Variants in COL9A1 observed in about 807,000 individuals in gnomAD.
COL9A1 encodes collagen alpha-1(IX) chain.
A neutral mutation model predicts 142.6 loss-of-function variants in COL9A1; 104 were observed. That is an observed-to-expected ratio of 0.73 (90% confidence interval 0.62 to 0.86). The LOEUF (loss-of-function observed/expected upper bound fraction) is 0.86, where lower values mean the gene tolerates loss of function less well. Ranked by LOEUF, COL9A1 falls within the 40% of genes least tolerant of loss-of-function variation. The pLI is 0.00. For missense variants in COL9A1, 1,210 were observed against 1,176.6 expected (o/e 1.03, Z -0.42); for synonymous variants, 466 against 396.0 (o/e 1.18, Z -2.10).
intron 37 of COL9A1, among the ~76,000 whole-genome samples, chr6:70,224,079 T>TC (rs938128682): frequency 6.6e-6 from 1 of 152,176 alleles, no homozygotes; most frequent in Non-Finnish European, 1.5e-5. Context: ...GTCCCCTGGA[T>TC]CAGGGGGTCC....
chr6:70,230,019 A>G (rs1344226027), intron 36 of COL9A1, among the ~76,000 whole-genome samples: 1 of 152,186 alleles, frequency 6.6e-6, no homozygotes, highest in African/African-American at 2.4e-5. Context: ...AAAGGCTCTC[A>G]AAGTGACCAT....
chr6:70,279,919 T>C, intron 10 of COL9A1: 1 of 568,090 alleles, frequency 1.8e-6, no homozygotes, highest in East Asian at 2.8e-5. Context: ...AGTGGTAACT[T>C]GAAGAGTAAC....
At chr6:70,260,752 C>G (rs750181405) in intron 19 of COL9A1, 42 bp from the exon 20 acceptor site, 1 of 1,600,750 alleles carries the variant, frequency 6.2e-7, no homozygotes, top group Non-Finnish European at 8.5e-7. Context: ...TTAGTTGAAG[C>G]AAAGATTTTT....
At chr6:70,236,770 C>T (rs1217557654) in intron 33 of COL9A1, among the ~76,000 whole-genome samples, 1 of 151,934 alleles carries the variant, frequency 6.6e-6, no homozygotes, top group Non-Finnish European at 1.5e-5. Context: ...AGGTATCCTA[C>T]ATAGAAGGCT....
intron 37 of COL9A1, among the ~76,000 whole-genome samples, chr6:70,217,319 C>A (rs753964715): frequency 6.6e-6 from 1 of 152,152 alleles, no homozygotes; most frequent in Admixed American, 6.5e-5. Context: ...CTCTAACCCC[C>A]ATTTCCATCA....
intron 4 of COL9A1, among the ~76,000 whole-genome samples, chr6:70,299,607 C>T (rs9446219): frequency 0.14 from 22,015 of 152,022 alleles, 2,176 homozygotes; most frequent in East Asian, 0.46. Flanking sequence ...TGATGTCTGC[C>T]AGAAGCCAAG....
chr6:70,285,672 G>T (rs62420261), intron 5 of COL9A1, among the ~76,000 whole-genome samples: 8,041 of 151,938 alleles, frequency 0.053, 231 homozygotes, highest in Middle Eastern at 0.092. Context: ...CTCCACACTG[G>T]GTTTATAATT....
intron 5 of COL9A1, among the ~76,000 whole-genome samples, chr6:70,293,351 C>A (rs974104331): frequency 6.6e-6 from 1 of 152,060 alleles, no homozygotes; most frequent in Non-Finnish European, 1.5e-5. Context: ...CAAAGTATAA[C>A]AATTCAAAAT....
intron 28 of COL9A1, among the ~76,000 whole-genome samples, chr6:70,247,142 A>G (rs1157979656): frequency 1.3e-5 from 2 of 152,200 alleles, no homozygotes; most frequent in Non-Finnish European, 2.9e-5. Context: ...TTAAAAGCAC[A>G]AGTTGTGCTT....
At chr6:70,226,120 G>A in intron 36 of COL9A1, 111 bp from the exon 37 acceptor site, 2 of 926,082 alleles carry the variant, frequency 2.2e-6, no homozygotes, top group Non-Finnish European at 3.4e-6. Flanking sequence ...TCATGAAATT[G>A]CCATAAACTA....
At chr6:70,266,647 A>G in intron 18 of COL9A1, 70 bp downstream of exon 18, 2 of 1,197,162 alleles carry the variant, frequency 1.7e-6, no homozygotes, top group Non-Finnish European at 2.5e-6. Context: ...TATAATTCCT[A>G]ATTTCTTATA....
chr6:70,271,993 A>G, intron 13 of COL9A1, 72 bp downstream of exon 13: 2 of 1,447,310 alleles, frequency 1.4e-6, no homozygotes, highest in South Asian at 1.2e-5. Flanking sequence ...TTAGTAGGAG[A>G]ATAAGGTGGG....
intron 1 of COL9A1, 130 bp from the exon 2 acceptor site, chr6:70,302,204 C>A (rs908649276): frequency 3.1e-5 from 11 of 360,058 alleles, no homozygotes; most frequent in Non-Finnish European, 4.7e-5. Context: ...TTTTTCATTT[C>A]TTTTTTTTTT....
At position 70,255,029 on chromosome 6, in the gene COL9A1, A is replaced by T. The variant is rs772094594; in HGVS notation, c.1612-13T>A. The T allele has an allele frequency of 1.2e-6, 2 of 1,614,074 alleles. No homozygotes were observed. Among genetic ancestry groups the T allele is most frequent in the Non-Finnish European group, 1.7e-6 (2 of 1,179,954 alleles). ...CACCTGGCAAACCCTAAACACACACAAAGAAACATACTGTCTCTTACACAC... is the reference window on the plus strand; with the variant it reads ...CACCTGGCAAACCCTAAACACACACTAAGAAACATACTGTCTCTTACACAC... On this transcript the variant is annotated splice_polypyrimidine_tract_variant and intron_variant, in intron 23 of 37. Transcript: ENST00000357250.
Position 70,294,433 on chromosome 6 carries a change from T to C in COL9A1, c.430A>G (p.Ile144Val). The change falls in exon 5 of 38, where the codon ATA becomes GTA. Residue 144 changes from isoleucine to valine, a missense_variant. Ile to Val is a conservative substitution (Grantham distance 29). Transcript: ENST00000357250. ...QDSSGKEQVGIKINGQTQSVV... is the reference protein window; with the variant it reads ...QDSSGKEQVGVKINGQTQSVV... ...GATTGTGTTTGGCCATTAATCTTTA[T>C]GCCAACTTGCTCCTTCCCAGAGGAA... 1.2e-6 allele frequency: 2 copies of C among 1,614,156 alleles called. No individual in the cohort carries two copies. The highest frequency in any genetic ancestry group is 1.1e-5 in the South Asian group (1 of 91,090).
At chr6:70,224,035 AG>A (rs1769067820) in intron 37 of COL9A1, among the ~76,000 whole-genome samples, 1 of 152,188 alleles carries the variant, frequency 6.6e-6, no homozygotes, top group African/African-American at 2.4e-5. Context: ...AAAGGAAGAA[AG>A]GAAAAGGAAA....
At chr6:70,268,611 T>C (rs1772187559) in intron 17 of COL9A1, among the ~76,000 whole-genome samples, 193 bp downstream of exon 17, 1 of 152,226 alleles carries the variant, frequency 6.6e-6, no homozygotes, top group Non-Finnish European at 1.5e-5. Flanking sequence ...AGCCATCCTA[T>C]GATTAAACCT....
chr6:70,264,156 C>A (rs1771872009), intron 18 of COL9A1, among the ~76,000 whole-genome samples: 1 of 151,960 alleles, frequency 6.6e-6, no homozygotes, highest in Admixed American at 6.6e-5. Flanking sequence ...ACATTTTAAT[C>A]TCAGGTAAGG....
chr6:70,300,501 A>G (rs1474787839), intron 2 of COL9A1, 115 bp from the exon 3 acceptor site: 1 of 406,318 alleles, frequency 2.5e-6, no homozygotes, highest in African/African-American at 2.1e-5. Context: ...AGAAAATAGC[A>G]ATTGACCACA....
Sources: gnomAD v4.1 joint callset for allele counts (sites outside exome capture counted in the v4.1 genomes callset) on GRCh38, gnomAD v4.1.1 for gene constraint, MANE v1.5 for transcripts, NCBI Gene and HGNC (gene_info 2026-07-23, HGNC 2026-07-21) for gene names.